The following NOTCH2 variants were observed in gnomAD, a reference collection of about 807,000 sequenced individuals.
NOTCH2 encodes the protein notch receptor 2.
NOTCH2 carries 29 observed loss-of-function variants against 235.8 expected under a neutral mutation model. The ratio of observed to expected loss-of-function variants is 0.12; its 90% CI spans 0.09 to 0.17. NOTCH2 has a LOEUF of 0.17. Among genes scored for constraint, NOTCH2 ranks in the 10% least tolerant of loss-of-function variants. NOTCH2 has a pLI of 1.00. For synonymous variants in NOTCH2, 1,086 were observed against 1,141.5 expected, an observed-to-expected ratio of 0.95 and a Z score of 0.98; for missense variants, 2,285 against 3,150.2, an observed-to-expected ratio of 0.73 and a Z score of 6.57.
intron 14 of NOTCH2, 125 bp from the exon 15 acceptor site, chr1:119,950,962 T>C (rs1650447646): frequency 1.4e-6 from 1 of 724,930 alleles, no homozygotes; most frequent in Non-Finnish European, 2.5e-6. Flanking sequence ...TTCAGGCCAC[T>C]GAAATACCTG....
chr1:119,922,148 G>T (rs996980734), intron 28 of NOTCH2, 88 bp downstream of exon 28: 2 of 1,427,106 alleles, frequency 1.4e-6, no homozygotes, highest in African/African-American at 1.4e-5. Context: ...CCAGAGCTTA[G>T]AATTTAAAAT....
At chr1:119,935,358 G>T in intron 22 of NOTCH2, 114 bp downstream of exon 22, 11 of 1,608,288 alleles carry the variant, frequency 6.8e-6, no homozygotes, top group Non-Finnish European at 9.3e-6. Context: ...CTAAATGCTT[G>T]GAATGAAGCT....
chr1:119,920,421 C>G (rs41306195), intron 29 of NOTCH2, 24 bp from the exon 30 acceptor site: 1 of 1,613,828 alleles, frequency 6.2e-7, no homozygotes, highest in Non-Finnish European at 8.5e-7. Context: ...ACAATGCTCC[C>G]TATCAATCTG....
chr1:119,966,628 T>A, intron 8 of NOTCH2, 139 bp from the exon 9 acceptor site: 1 of 707,190 alleles, frequency 1.4e-6, no homozygotes, highest in Non-Finnish European at 2.6e-6. Context: ...TCTGCCATGA[T>A]GAGAAATAGT....
At position 120,006,136 on chromosome 1, in the gene NOTCH2, A is replaced by G. The variant is rs1189366287; in HGVS notation, c.156-548T>C. On this transcript the variant is annotated intron_variant, in intron 2 of 33. Transcript: ENST00000256646. Reference sequence around the variant, plus strand: ...TTCTTTCTCTTATTTCCACTGAAACATCAATTGGCTGATACCTAGTTTTCT... The same window carrying G: ...TTCTTTCTCTTATTTCCACTGAAACGTCAATTGGCTGATACCTAGTTTTCT... Among the ~76,000 whole-genome samples the G allele has an allele frequency of 2.6e-5, 4 of 152,260 alleles. No homozygotes were observed. In the South Asian group the frequency reaches 8.3e-4, roughly 32 times the overall value.
At chr1:119,987,607 T>C (rs1279738132) in intron 4 of NOTCH2, among the ~76,000 whole-genome samples, 1 of 152,134 alleles carries the variant, frequency 6.6e-6, no homozygotes. Flanking sequence ...CAAGTCCCAA[T>C]CTCACCACCT....
chr1:120,066,304 G>T (rs587704556), intron 1 of NOTCH2, among the ~76,000 whole-genome samples: 1 of 149,544 alleles, frequency 6.7e-6, no homozygotes. Flanking sequence ...TAATCAGTGG[G>T]TTGCAACCAA....
intron 5 of NOTCH2, among the ~76,000 whole-genome samples, chr1:119,977,582 T>C (rs1384738404): frequency 1.3e-5 from 2 of 152,194 alleles, no homozygotes; most frequent in Admixed American, 6.5e-5. Flanking sequence ...CGGGTTTTCT[T>C]TTTATTCCCC....
intron 12 of NOTCH2, among the ~76,000 whole-genome samples, chr1:119,955,498 A>G (rs1450411583): frequency 3.3e-5 from 5 of 152,222 alleles, no homozygotes; most frequent in Admixed American, 2.0e-4. Flanking sequence ...TTCAACTCAG[A>G]AATGGGGAAA....
Position 119,933,040 on chromosome 1 carries a change from A to G in NOTCH2, c.3655+2432T>C, listed in dbSNP as rs1553195357. Among the ~76,000 whole-genome samples, 3 of 152,342 alleles carry G rather than the reference A, an allele frequency of 2.0e-5. No individual in the cohort carries two copies. In the East Asian group the frequency reaches 5.8e-4, roughly 29 times the overall value. ...ATTGAAAACAAAAAAGTAAAAACAA[A>G]CAAAATCTAGTATATGCTCCCTGTC... On this transcript the variant is annotated intron_variant, in intron 22 of 33. Coordinates refer to ENST00000256646, the MANE Select transcript of NOTCH2 (RefSeq NM_024408.4).
rs1437895792 is a variant in NOTCH2, at chr1:119,922,281, T to C, written c.5168A>G (p.Asn1723Ser). ...TCCCACTGGCTCACGACGCTTGTGATTGCTTGCATCTCGGCGAAGAGTGAA... is the reference window on the plus strand; with the variant it reads ...TCCCACTGGCTCACGACGCTTGTGACTGCTTGCATCTCGGCGAAGAGTGAA... ...EGFTLRRDAS[N>S]HKRREPVGQD... is the part of the protein sequence containing the mutation. Residue 1723 changes from asparagine to serine, a missense_variant, in exon 28 of 34, where the codon AAT (asparagine) becomes AGT (serine). Coordinates refer to ENST00000256646, the MANE Select transcript of NOTCH2 (RefSeq NM_024408.4). 10 of 1,614,042 alleles carry C rather than the reference T, an allele frequency of 6.2e-6. No individual in the cohort carries two copies. The highest frequency in any genetic ancestry group is 8.5e-6 in the Non-Finnish European group (10 of 1,180,018).
intron 5 of NOTCH2, among the ~76,000 whole-genome samples, chr1:119,975,374 G>A (rs1303377620): frequency 6.6e-6 from 1 of 152,178 alleles, no homozygotes; most frequent in Non-Finnish European, 1.5e-5. Flanking sequence ...TCAGCCAGGC[G>A]TGGTGGCTCA....
At chr1:119,999,236 G>T in intron 3 of NOTCH2, among the ~76,000 whole-genome samples, 1 of 149,010 alleles carries the variant, frequency 6.7e-6, no homozygotes, top group South Asian at 2.2e-4. Context: ...CCTTGAATTT[G>T]TTAATACTCC....
chr1:119,922,299 A>C lies in NOTCH2; in HGVS notation c.5150T>G (p.Leu1717Arg). Residue 1717 changes from leucine to arginine, a missense_variant, in exon 28 of 34, where the codon CTT (leucine) becomes CGT (arginine). By Grantham distance (102) the Leu-to-Arg change is moderately radical (BLOSUM62 -2). Transcript: ENST00000256646. ...GSLWLPEGFT[L>R]RRDASNHKRR... Reference sequence around the variant, plus strand: ...CTTGTGATTGCTTGCATCTCGGCGAAGAGTGAAACCTTCAGGCAGCCAGAG... The same window carrying C: ...CTTGTGATTGCTTGCATCTCGGCGACGAGTGAAACCTTCAGGCAGCCAGAG... The C allele has an allele frequency of 6.2e-7, 1 of 1,614,174 alleles. No individual in the cohort carries two copies. Among genetic ancestry groups the C allele is most frequent in the Non-Finnish European group, 8.5e-7 (1 of 1,180,034 alleles).
At chr1:119,976,138 CT>C (rs1221141378) in intron 5 of NOTCH2, among the ~76,000 whole-genome samples, 1 of 152,076 alleles carries the variant, frequency 6.6e-6, no homozygotes, top group African/African-American at 2.4e-5. Flanking sequence ...TGCACTGAGT[CT>C]GCTACCTTCT....
intron 26 of NOTCH2, among the ~76,000 whole-genome samples, chr1:119,922,983 T>C (rs995790840): frequency 5.3e-5 from 8 of 152,210 alleles, no homozygotes; most frequent in African/African-American, 1.9e-4. Context: ...AATTCCCACA[T>C]AGAGGATGTC....
Position 120,034,335 on chromosome 1 carries a change from C to CA in NOTCH2, c.74-4349dup, listed in dbSNP as rs558577685. On this transcript the variant is annotated intron_variant, in intron 1 of 33. Transcript: ENST00000256646. Reference sequence around the variant, plus strand: ...TTGTGCAGGCCCTCCTCTACTCCACCAAAAAAAAAAAAAAAAAAAAAAGCA... The same window carrying CA: ...TTGTGCAGGCCCTCCTCTACTCCACCAAAAAAAAAAAAAAAAAAAAAAAGCA... Among the ~76,000 whole-genome samples the CA allele has an allele frequency of 5.0e-3, 278 of 55,714 alleles. 1 individual carries two copies. The highest frequency in any genetic ancestry group is 0.02 in the African/African-American group (134 of 6,828). 36.6% of individuals were successfully genotyped at this position (55,714 alleles called of 152,430 possible).
At chr1:119,924,403 C>A (rs1230175557) in intron 25 of NOTCH2, among the ~76,000 whole-genome samples, 1 of 152,178 alleles carries the variant, frequency 6.6e-6, no homozygotes, top group Admixed American at 6.5e-5. Context: ...AGGCCCTGAA[C>A]CATTGAGAGT....
intron 22 of NOTCH2, among the ~76,000 whole-genome samples, chr1:119,933,395 C>T (rs782640031): frequency 1.1e-4 from 17 of 152,242 alleles, no homozygotes; most frequent in Middle Eastern, 3.4e-3. Context: ...TAAAAAAATA[C>T]TGTTCCACAT....
Sources: gnomAD v4.1 joint callset for allele counts (sites outside exome capture counted in the v4.1 genomes callset) on GRCh38, gnomAD v4.1.1 for gene constraint, MANE v1.5 for transcripts, NCBI Gene and HGNC (gene_info 2026-07-23, HGNC 2026-07-21) for gene names.